UBE2H: variants seen among roughly 807,000 people sequenced by gnomAD.
UBE2H encodes the protein ubiquitin-conjugating enzyme E2 H.
A neutral mutation model predicts 29.0 loss-of-function variants in UBE2H; 3 were observed. The ratio of observed to expected loss-of-function variants is 0.10; its 90% CI spans 0.05 to 0.27. The LOEUF (loss-of-function observed/expected upper bound fraction) is 0.27. Among genes scored for constraint, UBE2H ranks in the 10% least tolerant of loss-of-function variants. UBE2H has a pLI of 1.00. For missense variants in UBE2H, 68 were observed against 228.2 expected (o/e 0.30, Z 4.52); for synonymous variants, 69 against 82.9 (o/e 0.83, Z 0.91).
intron 1 of UBE2H, among the ~76,000 whole-genome samples, chr7:129,933,136 A>T (rs1807443709): frequency 6.6e-6 from 1 of 152,192 alleles, no homozygotes; most frequent in African/African-American, 2.4e-5. Context: ...TATCTTTCCT[A>T]TTATTCTGAA....
chr7:129,880,678 T>C (rs1359795051), intron 2 of UBE2H, among the ~76,000 whole-genome samples: 2 of 148,756 alleles, frequency 1.3e-5, no homozygotes, highest in Non-Finnish European at 3.0e-5. Flanking sequence ...TCTGTGGATT[T>C]TGGTATGAGG....
intron 1 of UBE2H, among the ~76,000 whole-genome samples, chr7:129,951,845 T>A (rs1240182450): frequency 6.6e-6 from 1 of 152,044 alleles, no homozygotes; most frequent in East Asian, 1.9e-4. Context: ...CTTCATCACA[T>A]ACAACTATGG....
At position 129,834,650 on chromosome 7, in the gene UBE2H, T is replaced by C. The variant is rs1242265458; in HGVS notation, c.*287A>G. ...TCAGAGCGGCTATTTCCTTCGACAG[T>C]TCAGTAGCACACAGGCTGACTTGGC... On this transcript the variant is annotated 3_prime_UTR_variant, in exon 7 of 7. Coordinates refer to ENST00000355621, the MANE Select transcript of UBE2H (RefSeq NM_003344.4). The C allele has an allele frequency of 1.1e-5, 3 of 261,058 alleles. No individual in the cohort carries two copies. The highest frequency in any genetic ancestry group is 4.9e-5 in the Admixed American group (1 of 20,504). The allele number at this position is 261,058 out of a possible 1,614,324, so 16.2% of individuals were successfully genotyped here.
intron 3 of UBE2H, among the ~76,000 whole-genome samples, chr7:129,867,723 C>CAAAAAAAAAAAAAAAAAAAAAAAAA (rs1563027569): frequency 1.7e-4 from 11 of 65,562 alleles, no homozygotes; most frequent in Non-Finnish European, 1.9e-4. Context: ...AAAAAGAAAA[C>CAAAAAAAAAAAAAAAAAAAAAAAAA]CAAAAAAAAA....
chr7:129,936,021 A>G (rs980238568), intron 1 of UBE2H, among the ~76,000 whole-genome samples: 1 of 152,214 alleles, frequency 6.6e-6, no homozygotes, highest in African/African-American at 2.4e-5. Flanking sequence ...GAAAGCCACC[A>G]TTGCTTTGTA....
chr7:129,951,110 CAA>C (rs1807865849), intron 1 of UBE2H, among the ~76,000 whole-genome samples: 2 of 152,138 alleles, frequency 1.3e-5, no homozygotes. Flanking sequence ...CTTGCCCAGA[CAA>C]CTTCCCTCCC....
chr7:129,854,154 T>C (rs993806490), intron 5 of UBE2H, among the ~76,000 whole-genome samples: 40 of 149,482 alleles, frequency 2.7e-4, no homozygotes, highest in African/African-American at 9.6e-4. Context: ...GGAAATGAAG[T>C]GATTCAGAAC....
In UBE2H at chr7:129,847,231, G is replaced by A. The variant is rs183585328; in HGVS notation, c.299-7896C>T. 1.2e-4 allele frequency among the ~76,000 whole-genome samples: 19 copies of A among 152,232 alleles called. No individual in the cohort carries two copies. In the East Asian group the frequency reaches 2.5e-3, roughly 20 times the overall value. ...TTTTTGTATTTTTAGTAGAGACAGC[G>A]TTTTGCCATGTTGGCCAGGCTGGTC... On this transcript the variant is annotated intron_variant, in intron 5 of 6. Coordinates refer to ENST00000355621, the MANE Select transcript of UBE2H (RefSeq NM_003344.4).
chr7:129,856,280 T>A (rs537961282), intron 5 of UBE2H, among the ~76,000 whole-genome samples: 3 of 152,288 alleles, frequency 2.0e-5, no homozygotes, highest in Non-Finnish European at 2.9e-5. Flanking sequence ...GAAGCAGCCA[T>A]CCCTGGTTAA....
At chr7:129,855,836 G>T (rs1805695486) in intron 5 of UBE2H, among the ~76,000 whole-genome samples, 1 of 152,214 alleles carries the variant, frequency 6.6e-6, no homozygotes, top group South Asian at 2.1e-4. Context: ...GCTCAAGGCT[G>T]CAGTGAGCTA....
At chr7:129,949,735 C>A in intron 1 of UBE2H, among the ~76,000 whole-genome samples, 1 of 152,170 alleles carries the variant, frequency 6.6e-6, no homozygotes, top group South Asian at 2.1e-4. Context: ...ATTAGTTACA[C>A]ATCCTCTTCT....
chr7:129,902,590 G>A (rs1020377728), intron 1 of UBE2H, among the ~76,000 whole-genome samples: 2 of 152,194 alleles, frequency 1.3e-5, no homozygotes, highest in Non-Finnish European at 2.9e-5. Context: ...CTGGGTTTGA[G>A]GCCCATCTCC....
In UBE2H at chr7:129,943,648, T is replaced by C. The variant is rs1486545002; in HGVS notation, c.53+8855A>G. Among the ~76,000 whole-genome samples the C allele has an allele frequency of 1.6e-4, 25 of 152,230 alleles. No individual in the cohort carries two copies. The East Asian group carries it at 4.4e-3, about 27-fold the overall frequency. On this transcript the variant is annotated intron_variant, in intron 1 of 6. Coordinates refer to ENST00000355621, the MANE Select transcript of UBE2H (RefSeq NM_003344.4). ...CAGGCATCGTGGCTCACACCTGTAA[T>C]CCCAGTACTTGAGAGGCAGAGGCAG...
At chr7:129,946,341 G>T (rs1807765452) in intron 1 of UBE2H, among the ~76,000 whole-genome samples, 1 of 151,858 alleles carries the variant, frequency 6.6e-6, no homozygotes, top group African/African-American at 2.4e-5. Context: ...TTACAGGCGT[G>T]AGCCACCGCG....
In UBE2H at chr7:129,908,637, G is replaced by A. The variant is rs138136722; in HGVS notation, c.54-27666C>T. Among the ~76,000 whole-genome samples the A allele has an allele frequency of 7.2e-5, 11 of 152,306 alleles. No homozygotes were observed. The East Asian group carries it at 2.1e-3, about 29-fold the overall frequency. On this transcript the variant is annotated intron_variant, in intron 1 of 6. Coordinates refer to ENST00000355621, the MANE Select transcript of UBE2H (RefSeq NM_003344.4). ...AGAATAAAAAGTTTCTTCTTTAGAG[G>A]CTCCAGCTAACTGTCTGCATAGGTT...
intron 1 of UBE2H, among the ~76,000 whole-genome samples, chr7:129,926,705 T>C (rs1276225057): frequency 6.6e-6 from 1 of 152,058 alleles, no homozygotes; most frequent in African/African-American, 2.4e-5. Flanking sequence ...CAACCATGAT[T>C]GGATTTCAAC....
At chr7:129,935,494 G>A (rs1807509621) in intron 1 of UBE2H, among the ~76,000 whole-genome samples, 1 of 151,558 alleles carries the variant, frequency 6.6e-6, no homozygotes, top group South Asian at 2.1e-4. Context: ...ACAGCATGCT[G>A]CCATTCTATC....
At chr7:129,891,619 T>C (rs1482145328) in intron 1 of UBE2H, among the ~76,000 whole-genome samples, 1 of 152,030 alleles carries the variant, frequency 6.6e-6, no homozygotes, top group African/African-American at 2.4e-5. Flanking sequence ...CTGGCCAACA[T>C]GGTGAAACCC....
intron 1 of UBE2H, among the ~76,000 whole-genome samples, chr7:129,949,538 T>G (rs1192005158): frequency 1.3e-5 from 2 of 151,896 alleles, no homozygotes; most frequent in African/African-American, 4.8e-5. Flanking sequence ...AATGAATGAG[T>G]CAGAGTTTCA....
Sources: allele counts gnomAD v4.1 joint callset (sites outside exome capture counted in the v4.1 genomes callset), GRCh38; gene constraint gnomAD v4.1.1; transcripts MANE v1.5; gene names NCBI Gene and HGNC (gene_info 2026-07-23, HGNC 2026-07-21).